TG: variants seen among roughly 807,000 people sequenced by gnomAD.
The protein encoded by TG is thyroid hormones.
In TG, 270 loss-of-function variants were observed where a neutral mutation model predicts 324.7. The ratio of observed to expected loss-of-function variants is 0.83; its 90% CI spans 0.75 to 0.92. The LOEUF is 0.92. Ranked by LOEUF, TG falls within the 40% of genes least tolerant of loss-of-function variation. TG has a pLI of 0.00. For missense variants in TG, 3,591 were observed against 3,456.4 expected, an observed-to-expected ratio of 1.04 and a Z score of -0.98; for synonymous variants, 1,401 against 1,327.0, an observed-to-expected ratio of 1.06 and a Z score of -1.21.
chr8:132,994,246 C>T lies in TG; in HGVS notation c.6262+10834C>T, dbSNP rs530443896. 3.9e-5 allele frequency among the ~76,000 whole-genome samples: 6 copies of T among 152,286 alleles called. No individual in the cohort carries two copies. In the South Asian group the frequency reaches 1.0e-3, roughly 26 times the overall value. On this transcript the variant is annotated intron_variant, in intron 35 of 47. Coordinates refer to ENST00000220616, the MANE Select transcript of TG (RefSeq NM_003235.5). ...TATTATTTTATTTTCTAGTGCCATCCTGGAGCCTCTTGAGCCAAATGGAAT... is the reference window on the plus strand; with the variant it reads ...TATTATTTTATTTTCTAGTGCCATCTTGGAGCCTCTTGAGCCAAATGGAAT...
chr8:133,064,337 T>C (rs1842784758), intron 41 of TG, among the ~76,000 whole-genome samples: 2 of 152,246 alleles, frequency 1.3e-5, no homozygotes, highest in African/African-American at 4.8e-5. Context: ...ATCCCAATCT[T>C]GCCTTTGTGT....
chr8:133,104,598 A>AT (rs1849629671), intron 43 of TG, among the ~76,000 whole-genome samples: 1 of 152,240 alleles, frequency 6.6e-6, no homozygotes, highest in African/African-American at 2.4e-5. Flanking sequence ...AAAATGCGGT[A>AT]TCACAATAGC....
chr8:133,044,967 T>C (rs770595621), intron 41 of TG: 3 of 1,613,444 alleles, frequency 1.9e-6, no homozygotes, highest in Non-Finnish European at 2.5e-6. Context: ...AATCACTCCA[T>C]ATTGTATGTC....
chr8:133,128,199 C>T (rs558271209), intron 45 of TG, among the ~76,000 whole-genome samples: 3 of 152,264 alleles, frequency 2.0e-5, no homozygotes, highest in East Asian at 1.9e-4. Flanking sequence ...TGAGCCTCAG[C>T]ATCCATCCAG....
At chr8:132,874,388 G>A (rs1005502923) in intron 5 of TG, among the ~76,000 whole-genome samples, 1 of 152,232 alleles carries the variant, frequency 6.6e-6, no homozygotes, top group Non-Finnish European at 1.5e-5. Context: ...AGCCAGAGTA[G>A]CTTCTGGTCA....
intron 27 of TG, among the ~76,000 whole-genome samples, chr8:132,959,894 T>A (rs1185758476): frequency 6.6e-6 from 1 of 152,170 alleles, no homozygotes; most frequent in Admixed American, 6.6e-5. Context: ...GAAACCATGG[T>A]TTTTAGTTTC....
At chr8:132,935,151 TTTC>T (rs1823388748) in intron 24 of TG, among the ~76,000 whole-genome samples, 1 of 151,710 alleles carries the variant, frequency 6.6e-6, no homozygotes, top group South Asian at 2.1e-4. Context: ...TTTTTTTTTT[TTTC>T]TTTTGAGACA....
At chr8:133,128,572 T>C (rs1851715429) in intron 45 of TG, among the ~76,000 whole-genome samples, 1 of 152,094 alleles carries the variant, frequency 6.6e-6, no homozygotes, top group Non-Finnish European at 1.5e-5. Context: ...CAGACCCATT[T>C]TACTGACAGG....
At chr8:132,992,962 C>T (rs143938311) in intron 35 of TG, among the ~76,000 whole-genome samples, 35 of 152,268 alleles carry the variant, frequency 2.3e-4, no homozygotes, top group East Asian at 9.6e-4. Context: ...TCATTTACTG[C>T]GACTGTGGGA....
At chr8:132,959,017 G>A (rs1047302432) in intron 27 of TG, among the ~76,000 whole-genome samples, 3 of 152,214 alleles carry the variant, frequency 2.0e-5, no homozygotes, top group African/African-American at 7.2e-5. Context: ...ACCTTCTAAA[G>A]AAGGCTATGA....
At chr8:132,883,416 G>C (rs1563904263) in intron 8 of TG, among the ~76,000 whole-genome samples, 2 of 152,122 alleles carry the variant, frequency 1.3e-5, no homozygotes, top group African/African-American at 2.4e-5. Flanking sequence ...GATGTTTCCT[G>C]AAGGAGAGGA....
chr8:132,955,476 G>A (rs937419458), intron 27 of TG, among the ~76,000 whole-genome samples: 1 of 152,176 alleles, frequency 6.6e-6, no homozygotes, highest in Non-Finnish European at 1.5e-5. Flanking sequence ...TTTGAATCAA[G>A]CCACGGCTCT....
At chr8:132,871,218 C>A in intron 3 of TG, 130 bp from the exon 4 acceptor site, 1 of 911,472 alleles carries the variant, frequency 1.1e-6, no homozygotes, top group Non-Finnish European at 1.8e-6. Context: ...CACCCCATCA[C>A]TGCGTGTCCT....
intron 35 of TG, among the ~76,000 whole-genome samples, chr8:133,010,359 A>G (rs550450799): frequency 6.6e-6 from 1 of 152,330 alleles, no homozygotes; most frequent in South Asian, 2.1e-4. Context: ...TATGCTTGTG[A>G]TCGCCATAGT....
At chr8:133,100,389 T>C (rs1849059252) in intron 43 of TG, among the ~76,000 whole-genome samples, 1 of 152,218 alleles carries the variant, frequency 6.6e-6, no homozygotes, top group Admixed American at 6.5e-5. Context: ...CTTCCCCAAC[T>C]AGAATGTTTG....
chr8:132,871,207 C>G (rs1587165884), intron 3 of TG, 141 bp from the exon 4 acceptor site: 4 of 828,330 alleles, frequency 4.8e-6, no homozygotes, highest in Non-Finnish European at 2.0e-6. Context: ...TCTGTGGCTG[C>G]CACCCCATCA....
intron 35 of TG, among the ~76,000 whole-genome samples, chr8:133,010,265 G>C (rs1279032510): frequency 6.6e-6 from 1 of 152,158 alleles, no homozygotes; most frequent in South Asian, 2.1e-4. Flanking sequence ...AGAGGCACTA[G>C]AGCCCCTACC....
rs754754112 is a variant in TG at position 133,038,688 on chromosome 8, A to G, written c.7239+8665A>G. 6.2e-7 allele frequency: 1 copy of G among 1,613,744 alleles called. No homozygotes were observed. The highest frequency in any genetic ancestry group is 2.2e-5 in the East Asian group (1 of 44,860). On this transcript the variant is annotated intron_variant, in intron 41 of 47. Coordinates refer to ENST00000220616, the MANE Select transcript of TG (RefSeq NM_003235.5). ...TCTCGAAGGCCATAGCTGAAAAGGG[A>G]CTCGTCTACCCCAAGCGGGTTCTCT...
chr8:132,993,015 G>T (rs1021440656), intron 35 of TG, among the ~76,000 whole-genome samples: 1 of 152,162 alleles, frequency 6.6e-6, no homozygotes, highest in African/African-American at 2.4e-5. Context: ...AATATTTACC[G>T]AATGAATGAA....
Sources: allele counts gnomAD v4.1 joint callset (sites outside exome capture counted in the v4.1 genomes callset), GRCh38; gene constraint gnomAD v4.1.1; transcripts MANE v1.5; gene names NCBI Gene and HGNC (gene_info 2026-07-23, HGNC 2026-07-21).